The following CCSER1 variants were observed in gnomAD, a reference collection of about 807,000 sequenced individuals.
CCSER1 encodes coiled-coil serine rich protein 1.
A neutral mutation model predicts 82.0 loss-of-function variants in CCSER1; 41 were observed. The observed-to-expected ratio is 0.50, with a 90% CI of 0.39 to 0.65. CCSER1 has a LOEUF of 0.65. Among genes scored for constraint, CCSER1 ranks in the 30% least tolerant of loss-of-function variants. The probability of loss-of-function intolerance (pLI) is 0.00; values close to 1 mark genes in which losing one functional copy is unlikely to be tolerated. For missense variants in CCSER1, 1,119 were observed against 1,064.2 expected (o/e 1.05, Z -0.72); for synonymous variants, 414 against 383.9 (o/e 1.08, Z -0.92).
chr4:91,207,281 G>T (rs1195334888), intron 10 of CCSER1, among the ~76,000 whole-genome samples: 2 of 151,738 alleles, frequency 1.3e-5, no homozygotes, highest in East Asian at 1.9e-4. Flanking sequence ...CGTGGACTTG[G>T]TGTACGAATT....
At chr4:90,454,123 T>C (rs1761858318) in intron 4 of CCSER1, among the ~76,000 whole-genome samples, 1 of 152,154 alleles carries the variant, frequency 6.6e-6, no homozygotes, top group South Asian at 2.1e-4. Flanking sequence ...CTGAAGTGCC[T>C]TGGCTTGCCA....
At chr4:91,355,504 C>T (rs1748761640) in intron 10 of CCSER1, among the ~76,000 whole-genome samples, 1 of 152,062 alleles carries the variant, frequency 6.6e-6, no homozygotes, top group African/African-American at 2.4e-5. Context: ...CTTTTAGAGT[C>T]CTGGTACACT....
intron 1 of CCSER1, among the ~76,000 whole-genome samples, chr4:90,257,905 T>C (rs1723643716): frequency 6.6e-6 from 1 of 152,190 alleles, no homozygotes; most frequent in African/African-American, 2.4e-5. Flanking sequence ...GGCAATCCGA[T>C]TGATTCAGGC....
chr4:91,537,773 C>T (rs1453123217), intron 10 of CCSER1, among the ~76,000 whole-genome samples: 1 of 151,610 alleles, frequency 6.6e-6, no homozygotes, highest in South Asian at 2.1e-4. Flanking sequence ...CAACAATATA[C>T]CTATATGGGA....
chr4:91,377,118 ATG>A (rs901820351), intron 10 of CCSER1, among the ~76,000 whole-genome samples: 20 of 152,134 alleles, frequency 1.3e-4, no homozygotes, highest in African/African-American at 4.8e-4. Context: ...CATGGTATAT[ATG>A]TGTCACATTT....
intron 10 of CCSER1, among the ~76,000 whole-genome samples, chr4:91,465,998 T>C (rs1413815689): frequency 6.6e-6 from 1 of 152,150 alleles, no homozygotes; most frequent in Non-Finnish European, 1.5e-5. Context: ...CCCTAACTCA[T>C]TTTATGAGGC....
chr4:91,412,889 G>A (rs1424021690), intron 10 of CCSER1, among the ~76,000 whole-genome samples: 1 of 151,878 alleles, frequency 6.6e-6, no homozygotes, highest in African/African-American at 2.4e-5. Context: ...GGGGATCTAT[G>A]AATTGCCTAA....
intron 5 of CCSER1, among the ~76,000 whole-genome samples, chr4:90,614,266 A>G (rs1720797875): frequency 6.6e-6 from 1 of 152,090 alleles, no homozygotes. Flanking sequence ...CTATTCCCCT[A>G]TATCTCTCCC....
intron 9 of CCSER1, among the ~76,000 whole-genome samples, chr4:90,980,454 G>C (rs1736010266): frequency 6.6e-6 from 1 of 151,770 alleles, no homozygotes; most frequent in Non-Finnish European, 1.5e-5. Flanking sequence ...AGTTAGAGAA[G>C]AAAGTTTTGA....
intron 10 of CCSER1, among the ~76,000 whole-genome samples, chr4:91,290,510 A>C (rs536421699): frequency 6.6e-6 from 1 of 152,092 alleles, no homozygotes; most frequent in African/African-American, 2.4e-5. Context: ...AATATATTAA[A>C]AGTTAATGAT....
intron 5 of CCSER1, among the ~76,000 whole-genome samples, chr4:90,475,583 A>T (rs1764965117): frequency 6.6e-6 from 1 of 152,190 alleles, no homozygotes; most frequent in South Asian, 2.1e-4. Context: ...ATGTGGATTC[A>T]TGCCTGAGAA....
At chr4:91,491,686 C>T (rs1578605545) in intron 10 of CCSER1, among the ~76,000 whole-genome samples, 1 of 152,130 alleles carries the variant, frequency 6.6e-6, no homozygotes, top group East Asian at 1.9e-4. Context: ...AAAAGTTTAA[C>T]TAAAGCCATG....
At chr4:90,433,737 T>A (rs1758620805) in intron 4 of CCSER1, among the ~76,000 whole-genome samples, 1 of 151,994 alleles carries the variant, frequency 6.6e-6, no homozygotes, top group Admixed American at 6.6e-5. Context: ...GAACCTTTGA[T>A]GGTTTTCTAT....
At chr4:90,601,641 C>CTT (rs139381288) in intron 5 of CCSER1, among the ~76,000 whole-genome samples, 2,391 of 143,872 alleles carry the variant, frequency 0.017, 47 homozygotes, top group African/African-American at 0.045. Context: ...AGCTGGATGG[C>CTT]TTTTTTTTTT....
At chr4:91,511,388 T>C (rs1759815267) in intron 10 of CCSER1, among the ~76,000 whole-genome samples, 1 of 152,102 alleles carries the variant, frequency 6.6e-6, no homozygotes, top group Non-Finnish European at 1.5e-5. Context: ...ACAGGAATAG[T>C]GTTGAATAGG....
chr4:90,818,049 C>T (rs908937370), intron 8 of CCSER1, among the ~76,000 whole-genome samples: 1 of 152,150 alleles, frequency 6.6e-6, no homozygotes, highest in East Asian at 1.9e-4. Context: ...TTTCTGATTT[C>T]TTGACCACTG....
chr4:90,401,062 G>A lies in CCSER1; in HGVS notation c.1603+933G>A, dbSNP rs540483816. ...GAATTTTCATTTATGTAGTATATTT[G>A]GATAATAGATAATATCATATTATCA... On this transcript the variant is annotated intron_variant, in intron 4 of 10. Coordinates refer to ENST00000509176, the MANE Select transcript of CCSER1 (RefSeq NM_001145065.2). 1.1e-4 allele frequency among the ~76,000 whole-genome samples: 16 copies of A among 151,856 alleles called. No individual in the cohort carries two copies. The South Asian group carries it at 3.3e-3, about 32-fold the overall frequency.
intron 9 of CCSER1, among the ~76,000 whole-genome samples, chr4:91,041,195 C>G (rs1033576982): frequency 2.0e-5 from 3 of 152,092 alleles, no homozygotes; most frequent in Non-Finnish European, 4.4e-5. Flanking sequence ...TTTTGTGTGG[C>G]ACCATCAGTC....
intron 10 of CCSER1, among the ~76,000 whole-genome samples, chr4:91,411,721 C>G (rs1392007620): frequency 1.5e-5 from 2 of 133,402 alleles, no homozygotes; most frequent in African/African-American, 5.9e-5. Context: ...TTTTTTCATC[C>G]CACTACTGAT....
Sources: gnomAD v4.1 joint callset for allele counts (sites outside exome capture counted in the v4.1 genomes callset) on GRCh38, gnomAD v4.1.1 for gene constraint, MANE v1.5 for transcripts, NCBI Gene and HGNC (gene_info 2026-07-23, HGNC 2026-07-21) for gene names.